The following ADAMTSL1 variants were observed in gnomAD, a reference collection of about 807,000 sequenced individuals.
ADAMTSL1 encodes the protein ADAMTS like 1.
Under a neutral mutation model 201.8 loss-of-function variants are expected in ADAMTSL1, and 126 were observed. The observed-to-expected ratio is 0.62, with a 90% confidence interval of 0.54 to 0.72. The LOEUF is 0.72. Among genes scored for constraint, ADAMTSL1 ranks in the 30% least tolerant of loss-of-function variants. ADAMTSL1 has a pLI of 0.00. For missense variants in ADAMTSL1, 2,679 were observed against 2,277.8 expected (o/e 1.18, Z -3.59); for synonymous variants, 1,121 against 903.4 (o/e 1.24, Z -4.32).
intron 2 of ADAMTSL1, among the ~76,000 whole-genome samples, chr9:18,179,332 A>T (rs1828339466): frequency 6.6e-6 from 1 of 152,192 alleles, no homozygotes; most frequent in Non-Finnish European, 1.5e-5. Context: ...GAGAAAAAAG[A>T]ATAAAAAGAA....
chr9:18,161,771 T>C (rs149606979), intron 1 of ADAMTSL1, among the ~76,000 whole-genome samples: 1 of 152,178 alleles, frequency 6.6e-6, no homozygotes, highest in African/African-American at 2.4e-5. Flanking sequence ...GAAGGAATTA[T>C]TGTCCTTGAT....
At chr9:18,433,773 TC>T (rs914908696) in intron 2 of ADAMTSL1, among the ~76,000 whole-genome samples, 1 of 152,188 alleles carries the variant, frequency 6.6e-6, no homozygotes, top group African/African-American at 2.4e-5. Flanking sequence ...AGGAAAGTTT[TC>T]AAATAGTTCC....
intron 15 of ADAMTSL1, among the ~76,000 whole-genome samples, chr9:18,742,297 CA>C (rs1166769746): frequency 3.3e-5 from 5 of 152,154 alleles, no homozygotes; most frequent in Non-Finnish European, 5.9e-5. Flanking sequence ...ATGCCACCTA[CA>C]AATCAGTAAA....
chr9:18,240,792 CT>C (rs1831031202), intron 2 of ADAMTSL1, among the ~76,000 whole-genome samples: 2 of 152,160 alleles, frequency 1.3e-5, no homozygotes, highest in Admixed American at 6.5e-5. Context: ...TTAGTTAGAT[CT>C]TCTGGATAAC....
intron 1 of ADAMTSL1, among the ~76,000 whole-genome samples, chr9:17,915,856 T>C (rs190277261): frequency 2.0e-5 from 3 of 152,358 alleles, no homozygotes; most frequent in Non-Finnish European, 2.9e-5. Flanking sequence ...AAAATTTCTA[T>C]TCAAATATTT....
intron 1 of ADAMTSL1, among the ~76,000 whole-genome samples, chr9:18,036,761 A>C (rs1052441213): frequency 6.6e-6 from 1 of 152,184 alleles, no homozygotes; most frequent in Non-Finnish European, 1.5e-5. Flanking sequence ...TGCTTTCAGT[A>C]TATAGGCCAA....
At chr9:18,561,653 G>T (rs1465299802) in intron 3 of ADAMTSL1, among the ~76,000 whole-genome samples, 1 of 152,128 alleles carries the variant, frequency 6.6e-6, no homozygotes, top group Admixed American at 6.5e-5. Context: ...ATATTATTGT[G>T]TGGGATTCTA....
chr9:18,502,265 G>C (rs748683779), intron 1 of ADAMTSL1, among the ~76,000 whole-genome samples: 18 of 152,170 alleles, frequency 1.2e-4, no homozygotes, highest in Non-Finnish European at 1.9e-4. Context: ...CCTAACGTTT[G>C]TGATACTGGT....
chr9:17,946,877 T>C lies in ADAMTSL1; in HGVS notation c.87+39955T>C, dbSNP rs199830362. Among the ~76,000 whole-genome samples the C allele has an allele frequency of 6.6e-5, 10 of 152,276 alleles. No individual in the cohort carries two copies. The East Asian group carries it at 1.9e-3, about 29-fold the overall frequency. On this transcript the variant is annotated intron_variant, in intron 1 of 29. Transcript: ENST00000680146. ...CATTTTATTGATTGCATTTTGATTA[T>C]TAAAGATTTCTACTTGATTTTGAGC...
chr9:18,452,270 ATAATG>A (rs2131675480), intron 2 of ADAMTSL1, among the ~76,000 whole-genome samples: 1 of 152,284 alleles, frequency 6.6e-6, no homozygotes, highest in South Asian at 2.1e-4. Flanking sequence ...TTTTATAATA[ATAATG>A]TAATCCATTC....
At chr9:18,152,264 G>C (rs1475909115) in intron 1 of ADAMTSL1, among the ~76,000 whole-genome samples, 3 of 152,010 alleles carry the variant, frequency 2.0e-5, no homozygotes, top group African/African-American at 7.2e-5. Context: ...TAGGTGCTTG[G>C]AGGATGCGTA....
At chr9:17,990,722 C>T (rs1819120521) in intron 1 of ADAMTSL1, among the ~76,000 whole-genome samples, 1 of 151,954 alleles carries the variant, frequency 6.6e-6, no homozygotes, top group Non-Finnish European at 1.5e-5. Flanking sequence ...ATAACCATTG[C>T]TTTTTTTCTA....
At chr9:18,020,414 G>T (rs983015012) in intron 1 of ADAMTSL1, among the ~76,000 whole-genome samples, 5 of 152,036 alleles carry the variant, frequency 3.3e-5, no homozygotes, top group African/African-American at 1.2e-4. Flanking sequence ...CTCACTTTGA[G>T]GAAAGCCAGC....
At chr9:18,099,102 G>GT (rs200227567) in intron 1 of ADAMTSL1, among the ~76,000 whole-genome samples, 31,870 of 142,394 alleles carry the variant, frequency 0.22, 4,365 homozygotes, top group Non-Finnish European at 0.32. Flanking sequence ...TTGACAGCAG[G>GT]TTTTTTTTTT....
Position 18,824,323 on chromosome 9 carries a change from C to T in ADAMTSL1, c.3935-1961C>T, listed in dbSNP as rs551444689. On this transcript the variant is annotated intron_variant, in intron 21 of 28. Transcript: ENST00000380548. ...CCACCCCTCACCTGTGTCTTTTCTC[C>T]AGGTATCTTTAGAGATGATGCCAAC... 5.3e-5 allele frequency among the ~76,000 whole-genome samples: 8 copies of T among 152,200 alleles called. No individual in the cohort carries two copies. In the South Asian group the frequency reaches 1.2e-3, roughly 24 times the overall value.
At chr9:18,588,010 T>C (rs1034643801) in intron 4 of ADAMTSL1, among the ~76,000 whole-genome samples, 5 of 152,176 alleles carry the variant, frequency 3.3e-5, no homozygotes, top group Admixed American at 3.3e-4. Flanking sequence ...TGCTGGATCA[T>C]ATAGTAGTTC....
chr9:18,756,469 T>C (rs189040428), intron 16 of ADAMTSL1, among the ~76,000 whole-genome samples: 1 of 152,176 alleles, frequency 6.6e-6, no homozygotes, highest in African/African-American at 2.4e-5. Context: ...TATGGTGCAA[T>C]AAGTCCAGAG....
At chr9:18,547,631 T>TAAA (rs71494960) in intron 3 of ADAMTSL1, among the ~76,000 whole-genome samples, 15 of 83,280 alleles carry the variant, frequency 1.8e-4, no homozygotes, top group East Asian at 6.8e-4. Flanking sequence ...TGTATATATA[T>TAAA]ATAAAAAAAA....
At chr9:18,812,737 C>G (rs1260306682) in intron 20 of ADAMTSL1, among the ~76,000 whole-genome samples, 7 of 152,100 alleles carry the variant, frequency 4.6e-5, no homozygotes, top group Non-Finnish European at 8.8e-5. Flanking sequence ...AGGGGTCTAG[C>G]TTCAGTTTTC....
Sources: gnomAD v4.1 joint callset for allele counts (sites outside exome capture counted in the v4.1 genomes callset) on GRCh38, gnomAD v4.1.1 for gene constraint, MANE v1.5 for transcripts, NCBI Gene and HGNC (gene_info 2026-07-23, HGNC 2026-07-21) for gene names.